The following CSMD1 variants were observed in gnomAD, a reference collection of about 807,000 sequenced individuals.
CSMD1 encodes CUB and sushi domain-containing protein 1.
Under a neutral mutation model 417.5 loss-of-function variants are expected in CSMD1, and 213 were observed. The observed-to-expected ratio is 0.51, with a 90% confidence interval of 0.46 to 0.57. The LOEUF (loss-of-function observed/expected upper bound fraction) is 0.57. CSMD1 is among the 20% of genes least tolerant of loss of function. The pLI is 0.00. For missense variants in CSMD1, 6,923 were observed against 4,529.7 expected, an observed-to-expected ratio of 1.53 and a Z score of -15.17; for synonymous variants, 2,862 against 1,736.8, an observed-to-expected ratio of 1.65 and a Z score of -16.11.
At chr8:4,695,157 T>C (rs1807032499) in intron 1 of CSMD1, among the ~76,000 whole-genome samples, 1 of 152,164 alleles carries the variant, frequency 6.6e-6, no homozygotes, top group Non-Finnish European at 1.5e-5. Flanking sequence ...TTTTTGTACA[T>C]GGAATACACA....
chr8:3,527,493 G>C (rs919340658), intron 10 of CSMD1, among the ~76,000 whole-genome samples: 2 of 152,138 alleles, frequency 1.3e-5, no homozygotes, highest in African/African-American at 4.8e-5. Context: ...AGGTTTCCCA[G>C]GGGAGGTCTG....
intron 3 of CSMD1, among the ~76,000 whole-genome samples, chr8:4,393,120 C>T (rs965482200): frequency 5.3e-5 from 8 of 152,114 alleles, no homozygotes; most frequent in East Asian, 2.0e-4. Flanking sequence ...GGATTACAGG[C>T]GTGTGCCACC....
intron 1 of CSMD1, among the ~76,000 whole-genome samples, chr8:4,920,309 A>G (rs185468605): frequency 2.2e-4 from 34 of 152,294 alleles, no homozygotes; most frequent in Non-Finnish European, 4.0e-4. Flanking sequence ...AGATAAGTCA[A>G]TTTCTTGAGT....
intron 1 of CSMD1, among the ~76,000 whole-genome samples, chr8:4,758,719 A>G (rs1220267287): frequency 2.6e-5 from 4 of 151,850 alleles, no homozygotes; most frequent in Non-Finnish European, 5.9e-5. Flanking sequence ...AAGAGAGTAA[A>G]AAGCCCAGGG....
intron 4 of CSMD1, among the ~76,000 whole-genome samples, chr8:4,011,547 C>T (rs764794356): frequency 6.6e-6 from 1 of 152,156 alleles, no homozygotes; most frequent in Non-Finnish European, 1.5e-5. Context: ...GCCCACATGT[C>T]AGCCACAGCC....
intron 3 of CSMD1, among the ~76,000 whole-genome samples, chr8:4,338,471 G>C (rs531772774): frequency 6.6e-6 from 1 of 152,086 alleles, no homozygotes; most frequent in Admixed American, 6.6e-5. Flanking sequence ...ACCTGGTTAG[G>C]TTCATGGCAA....
chr8:3,220,944 C>T (rs778344160), intron 28 of CSMD1, among the ~76,000 whole-genome samples: 3 of 152,150 alleles, frequency 2.0e-5, no homozygotes, highest in Non-Finnish European at 4.4e-5. Flanking sequence ...AAAAAGCACT[C>T]AATTTACAAA....
At chr8:4,377,226 T>C (rs2128916496) in intron 3 of CSMD1, among the ~76,000 whole-genome samples, 1 of 152,220 alleles carries the variant, frequency 6.6e-6, no homozygotes. Context: ...AAGAGGAAAA[T>C]AATTAACCGA....
At chr8:4,972,184 G>C (rs975756227) in intron 1 of CSMD1, among the ~76,000 whole-genome samples, 1 of 152,108 alleles carries the variant, frequency 6.6e-6, no homozygotes, top group East Asian at 1.9e-4. Flanking sequence ...TATAAAAACA[G>C]AGACTTCAGG....
intron 33 of CSMD1, among the ~76,000 whole-genome samples, chr8:3,192,935 A>C (rs1042241395): frequency 1.8e-5 from 2 of 113,944 alleles, no homozygotes; most frequent in African/African-American, 5.6e-5. Flanking sequence ...TAATGGCATG[A>C]AGAAAAAAAA....
chr8:4,902,652 G>A (rs1804963920), intron 1 of CSMD1, among the ~76,000 whole-genome samples: 1 of 151,870 alleles, frequency 6.6e-6, no homozygotes, highest in African/African-American at 2.4e-5. Context: ...TAACTTTTAT[G>A]GCATATACTT....
intron 55 of CSMD1, among the ~76,000 whole-genome samples, chr8:2,975,260 TA>T (rs1247220026): frequency 6.6e-6 from 1 of 152,202 alleles, no homozygotes; most frequent in East Asian, 1.9e-4. Context: ...GCCTAAACTC[TA>T]TTTATAAATA....
intron 1 of CSMD1, among the ~76,000 whole-genome samples, chr8:4,941,997 G>C (rs1808034622): frequency 6.6e-6 from 1 of 152,140 alleles, no homozygotes; most frequent in Non-Finnish European, 1.5e-5. Flanking sequence ...TTTAAAACCT[G>C]AATCAAATCA....
At position 4,303,500 on chromosome 8, in the gene CSMD1, C is replaced by A. The variant is rs146010670; in HGVS notation, c.415+116453G>T. Among the ~76,000 whole-genome samples the A allele has an allele frequency of 3.6e-3, 488 of 133,926 alleles. 6 individuals carry two copies. The highest frequency in any genetic ancestry group is 0.023 in the South Asian group (89 of 3,850). The allele number at this position is 133,926 out of a possible 152,430, so 87.9% of individuals were successfully genotyped here. A position where few individuals can be genotyped will look rare whatever the true frequency, so the allele number is the denominator to read the frequency against. On this transcript the variant is annotated intron_variant, in intron 3 of 69. Transcript: ENST00000635120. ...TCATGTTGATTTTCAATCTCCTTAC[C>A]ATCTCTAGCACGTCTATATTCAAAG...
intron 1 of CSMD1, among the ~76,000 whole-genome samples, chr8:4,732,365 G>GTGTGTA (rs1809949471): frequency 6.7e-6 from 1 of 148,604 alleles, no homozygotes; most frequent in Non-Finnish European, 1.5e-5. Context: ...GTGTGTGTGT[G>GTGTGTA]TGTGTGTGTG....
chr8:3,026,015 C>T (rs951949754), intron 51 of CSMD1, among the ~76,000 whole-genome samples: 1 of 152,136 alleles, frequency 6.6e-6, no homozygotes, highest in Admixed American at 6.5e-5. Context: ...TGAGTCGAGA[C>T]ATCTCCTCAA....
intron 5 of CSMD1, among the ~76,000 whole-genome samples, chr8:3,808,445 A>T (rs1800872483): frequency 6.6e-6 from 1 of 152,168 alleles, no homozygotes; most frequent in African/African-American, 2.4e-5. Flanking sequence ...ATGAGTCTTC[A>T]AAAGCTGTGT....
chr8:3,784,061 T>G (rs918765247), intron 5 of CSMD1, among the ~76,000 whole-genome samples: 1 of 152,244 alleles, frequency 6.6e-6, no homozygotes, highest in African/African-American at 2.4e-5. Context: ...AAGATTGAAA[T>G]AGTAAATTCA....
intron 1 of CSMD1, among the ~76,000 whole-genome samples, chr8:4,850,171 A>C (rs1801382719): frequency 6.6e-6 from 1 of 152,064 alleles, no homozygotes; most frequent in African/African-American, 2.4e-5. Flanking sequence ...GTATTTGTAA[A>C]ATGTATATGA....
Sources: gnomAD v4.1 joint callset for allele counts (sites outside exome capture counted in the v4.1 genomes callset) on GRCh38, gnomAD v4.1.1 for gene constraint, MANE v1.5 for transcripts, NCBI Gene and HGNC (gene_info 2026-07-23, HGNC 2026-07-21) for gene names.